BCL2L15: variants seen among roughly 807,000 people sequenced by gnomAD.
BCL2L15 encodes the protein BCL2 like 15.
BCL2L15 carries 15 observed loss-of-function variants against 18.3 expected under a neutral mutation model. The ratio of observed to expected loss-of-function variants is 0.82; its 90% CI spans 0.55 to 1.26. The LOEUF (loss-of-function observed/expected upper bound fraction) is 1.26, where lower values mean the gene tolerates loss of function less well. BCL2L15 is among the 50% of genes most tolerant of loss of function. BCL2L15 has a pLI of 0.00. For synonymous variants in BCL2L15, 58 were observed against 68.5 expected, an observed-to-expected ratio of 0.85 and a Z score of 0.76; for missense variants, 180 against 201.7, an observed-to-expected ratio of 0.89 and a Z score of 0.65.
In BCL2L15 at chr1:113,881,987, A is replaced by G. The variant is rs114941235; in HGVS notation, c.260T>C (p.Ile87Thr). 1.6e-4 allele frequency: 256 copies of G among 1,612,958 alleles called. No individual in the cohort carries two copies. In the African/African-American group the frequency reaches 3.2e-3, roughly 20 times the overall value. Residue 87 changes from isoleucine to threonine, a missense_variant, in exon 3 of 4, where the codon ATA (isoleucine) becomes ACA (threonine). Physicochemically the swap from Ile to Thr is moderately conservative, Grantham distance 89 (BLOSUM62 -1). Transcript: ENST00000393316. Reference sequence around the variant, plus strand: ...GAGAGATTCCACAGTGTCCTGGAGTATAGCTCCTGTCTGAGGAAAGACAAA... The same window carrying G: ...GAGAGATTCCACAGTGTCCTGGAGTGTAGCTCCTGTCTGAGGAAAGACAAA... ...AETIKGQTGA[I>T]LQDTVESLSK...
intron 2 of BCL2L15, among the ~76,000 whole-genome samples, chr1:113,883,872 G>A (rs1666957368): frequency 6.6e-6 from 1 of 152,166 alleles, no homozygotes; most frequent in Non-Finnish European, 1.5e-5. Flanking sequence ...AGAAATTAAG[G>A]AAGTACTCAA....
chr1:113,887,107 A>T, intron 1 of BCL2L15, 142 bp downstream of exon 1: 1 of 709,722 alleles, frequency 1.4e-6, no homozygotes. Context: ...CACGTTGGCC[A>T]GGCGGATCTC....
In BCL2L15 at chr1:113,887,395, G is replaced by C. The variant is rs201837071; in HGVS notation, c.-20C>G. On this transcript the variant is annotated 5_prime_UTR_variant, in exon 1 of 4. Coordinates refer to ENST00000393316, the MANE Select transcript of BCL2L15 (RefSeq NM_001010922.3). The stretch of plus-strand genomic sequence containing the variant: ...CTTCATTTTAGATGTTTGCTGTCAA[G>C]TTTTGCTTTTCCACGAAACAAGCAG... The C allele has an allele frequency of 2.1e-4, 341 of 1,613,826 alleles. 2 individuals carry two copies. The African/African-American group carries it at 3.9e-3, about 18-fold the overall frequency.
Position 113,887,324 on chromosome 1 carries a change from G to C in BCL2L15, c.52C>G (p.Leu18Val). The part of the protein sequence containing the change: ...EEQTECIVNT[L>V]LMDFLSPTLQ... ...GTTGGGCTCAAGAAGTCCATGAGTAGAGTGTTCACAATGCATTCCGTTTGT... is the reference window on the plus strand; with the variant it reads ...GTTGGGCTCAAGAAGTCCATGAGTACAGTGTTCACAATGCATTCCGTTTGT... Residue 18 changes from leucine (L) to valine (V), a missense_variant, in exon 1 of 4, where the codon CTA (leucine) becomes GTA (valine). Coordinates refer to ENST00000393316, the MANE Select transcript of BCL2L15 (RefSeq NM_001010922.3). The C allele has an allele frequency of 6.2e-7, 1 of 1,614,172 alleles. No homozygotes were observed. The highest frequency in any genetic ancestry group is 8.5e-7 in the Non-Finnish European group (1 of 1,179,998).
rs1666829112 is a variant in BCL2L15 at position 113,880,215 on chromosome 1, T to TTG, written c.*907_*908insCA. ...TGACCTTCCTAGTAGAAACAACTGTTTTTGTTTGTTTGTTTGTTTTTTGCT... is the reference window on the plus strand; with the variant it reads ...TGACCTTCCTAGTAGAAACAACTGTTTGTTTGTTTGTTTGTTTGTTTTTTGCT... On this transcript the variant is annotated 3_prime_UTR_variant, in exon 4 of 4. Coordinates refer to ENST00000393316, the MANE Select transcript of BCL2L15 (RefSeq NM_001010922.3). The TTG allele has an allele frequency of 6.6e-6, 1 of 152,064 alleles. No individual in the cohort carries two copies. The highest frequency in any genetic ancestry group is 1.5e-5 in the Non-Finnish European group (1 of 67,910). The allele number at this position is 152,064 out of a possible 1,614,324, so 9.4% of individuals were successfully genotyped here. A position where few individuals can be genotyped will look rare whatever the true frequency, so the allele number is the denominator to read the frequency against.
Position 113,887,347 on chromosome 1 carries a change from T to G in BCL2L15, c.29A>C (p.Gln10Pro), listed in dbSNP as rs765988230. Reference protein sequence around the residue: MKSSQTFEEQTECIVNTLLM... With the variant: MKSSQTFEEPTECIVNTLLM... ...TAGAGTGTTCACAATGCATTCCGTT[T>G]GTTCCTCAAAAGTTTGGGAGCTCTT... is the stretch of plus-strand genomic sequence containing the variant. The change falls in exon 1 of 4, where the codon CAA (glutamine) becomes CCA (proline). Residue 10 changes from glutamine (Q) to proline (P), a missense_variant. Coordinates refer to ENST00000393316, the MANE Select transcript of BCL2L15 (RefSeq NM_001010922.3). The G allele has an allele frequency of 1.2e-6, 2 of 1,614,230 alleles. No individual in the cohort carries two copies. The highest frequency in any genetic ancestry group is 3.3e-5 in the Admixed American group (2 of 60,026).
At position 113,877,691 on chromosome 1, in the gene BCL2L15, A is replaced by T. The variant is rs556442154; in HGVS notation, c.*3432T>A. On this transcript the variant is annotated 3_prime_UTR_variant, in exon 4 of 4. Coordinates refer to ENST00000393316, the MANE Select transcript of BCL2L15 (RefSeq NM_001010922.3). ...CCACAGCTTTGATCAATCTGATGGC[A>T]GTATATAGGACAGACTGGAATGGAG... 6.6e-5 allele frequency among the ~76,000 whole-genome samples: 10 copies of T among 152,378 alleles called. No individual in the cohort carries two copies. In the South Asian group the frequency reaches 2.1e-3, roughly 32 times the overall value.
At chr1:113,884,617 G>A (rs540922660) in intron 2 of BCL2L15, among the ~76,000 whole-genome samples, 151 of 152,258 alleles carry the variant, frequency 9.9e-4, no homozygotes, top group Non-Finnish European at 1.7e-3. Flanking sequence ...AAGTATAAAA[G>A]TATTAGGGGT....
At position 113,881,119 on chromosome 1, in the gene BCL2L15, C is replaced by T; in HGVS notation, c.*4G>A. Reference sequence around the variant, plus strand: ...TGTTCAGTCTCGTGAATAGCTCCAACTCTTCAGCTCTCCAGATTTTCCTAG... The same window carrying T: ...TGTTCAGTCTCGTGAATAGCTCCAATTCTTCAGCTCTCCAGATTTTCCTAG... On this transcript the variant is annotated 3_prime_UTR_variant, in exon 4 of 4. Transcript: ENST00000393316. 1 of 1,614,180 alleles carries T rather than the reference C, an allele frequency of 6.2e-7. No individual in the cohort carries two copies. The highest frequency in any genetic ancestry group is 8.5e-7 in the Non-Finnish European group (1 of 1,180,012).
At chr1:113,883,603 G>A (rs1416375332) in intron 2 of BCL2L15, among the ~76,000 whole-genome samples, 3 of 147,474 alleles carry the variant, frequency 2.0e-5, no homozygotes, top group African/African-American at 7.6e-5. Flanking sequence ...GTAAAACCCC[G>A]TCTCTACTAA....
chr1:113,883,840 G>A (rs1666956914), intron 2 of BCL2L15, among the ~76,000 whole-genome samples: 3 of 152,146 alleles, frequency 2.0e-5, no homozygotes, highest in African/African-American at 7.2e-5. Context: ...TTTGGGGCTA[G>A]GGAAGTATAA....
intron 2 of BCL2L15, among the ~76,000 whole-genome samples, chr1:113,884,978 G>T (rs1334163236): frequency 5.9e-5 from 9 of 151,762 alleles, no homozygotes; most frequent in Admixed American, 3.9e-4. Flanking sequence ...TTGAGAGAGG[G>T]TCTCGCTCTG....
intron 2 of BCL2L15, among the ~76,000 whole-genome samples, chr1:113,883,205 G>A (rs1397845205): frequency 6.6e-6 from 1 of 152,052 alleles, no homozygotes; most frequent in Non-Finnish European, 1.5e-5. Flanking sequence ...ACCAGAGGCC[G>A]GGCGCAGTGG....
rs530386076 is a variant in BCL2L15, at chr1:113,877,593, C to T, written c.*3530G>A. 6.6e-6 allele frequency among the ~76,000 whole-genome samples: 1 copy of T among 152,216 alleles called. No individual in the cohort carries two copies. The highest frequency in any genetic ancestry group is 1.9e-4 in the East Asian group (1 of 5,188). ...TGATAAGATGTTTAAGTCTTGTAAT[C>T]TTCATTGGTATGTTAAATTTAAAAA... On this transcript the variant is annotated 3_prime_UTR_variant, in exon 4 of 4. Coordinates refer to ENST00000393316, the MANE Select transcript of BCL2L15 (RefSeq NM_001010922.3).
chr1:113,886,485 G>A (rs1667039153), intron 2 of BCL2L15, 52 bp downstream of exon 2: 2 of 1,571,652 alleles, frequency 1.3e-6, no homozygotes, highest in Non-Finnish European at 1.7e-6. Context: ...AGAAAAGGAA[G>A]TTTGAAATAG....
chr1:113,881,799 C>A lies in BCL2L15; in HGVS notation c.448G>T (p.Glu150Ter). Reference protein sequence around the residue: ...GMINGNQAIREFIQGQGGWEN... With the variant: ...GMINGNQAIR ...CAACCTCCCTGGCCCTGGATGAACT[C>A]CCGGATGGCTTGGTTCCCATTGATC... The change falls in exon 3 of 4, where the codon GAG (glutamate) becomes TAG (stop). Residue 150 changes from glutamate (E) to a stop codon, truncating the protein, a stop_gained. Transcript: ENST00000393316. LOFTEE classifies it high-confidence loss of function. The A allele has an allele frequency of 6.2e-7, 1 of 1,614,166 alleles. No homozygotes were observed. The highest frequency in any genetic ancestry group is 1.1e-5 in the South Asian group (1 of 91,080).
rs1011626523 is a variant in BCL2L15 at position 113,878,690 on chromosome 1, T to C, written c.*2433A>G. ...ATGAAGTCAAATACCACAAAACTCA[T>C]CATCTTGAGTTTATAGTAACATAAG... On this transcript the variant is annotated 3_prime_UTR_variant, in exon 4 of 4. Transcript: ENST00000393316. 1.3e-5 allele frequency: 2 copies of C among 152,278 alleles called. No homozygotes were observed. Among genetic ancestry groups the C allele is most frequent in the Admixed American group, 1.3e-4 (2 of 15,278 alleles). The allele number at this position is 152,278 out of a possible 1,614,324, so 9.4% of individuals were successfully genotyped here.
intron 1 of BCL2L15, among the ~76,000 whole-genome samples, chr1:113,886,958 C>T (rs1437325693): frequency 2.0e-5 from 3 of 150,854 alleles, no homozygotes; most frequent in Admixed American, 6.6e-5. Flanking sequence ...AGTGCAGTGG[C>T]GTGATCTCAG....
chr1:113,882,378 C>T (rs914786229), intron 2 of BCL2L15, among the ~76,000 whole-genome samples: 5 of 152,342 alleles, frequency 3.3e-5, no homozygotes, highest in African/African-American at 1.2e-4. Context: ...GGGGCAGTGG[C>T]TCATGCCTGT....
Sources: allele counts gnomAD v4.1 joint callset (sites outside exome capture counted in the v4.1 genomes callset), GRCh38; gene constraint gnomAD v4.1.1; transcripts MANE v1.5; gene names NCBI Gene and HGNC (gene_info 2026-07-23, HGNC 2026-07-21).